Variants in MDGA2 observed in about 807,000 individuals in gnomAD.
MDGA2 encodes the protein MAM domain-containing glycosylphosphatidylinositol anchor protein 2.
Under a neutral mutation model 117.8 loss-of-function variants are expected in MDGA2, and 40 were observed. The observed-to-expected ratio is 0.34, with a 90% CI of 0.26 to 0.44. The LOEUF (loss-of-function observed/expected upper bound fraction) is 0.44. Among genes scored for constraint, MDGA2 ranks in the 20% least tolerant of loss-of-function variants. MDGA2 has a pLI of 1.00. For missense variants in MDGA2, 1,123 were observed against 1,250.6 expected, an observed-to-expected ratio of 0.90 and a Z score of 1.54; for synonymous variants, 452 against 439.0, an observed-to-expected ratio of 1.03 and a Z score of -0.37.
At chr14:46,968,701 G>A (rs1171391984) in intron 8 of MDGA2, among the ~76,000 whole-genome samples, 1 of 151,524 alleles carries the variant, frequency 6.6e-6, no homozygotes, top group Non-Finnish European at 1.5e-5. Context: ...GTTGGGTATG[G>A]TGGTGTGTGC....
chr14:47,580,561 A>G (rs1239725447), intron 1 of MDGA2, among the ~76,000 whole-genome samples: 3 of 152,048 alleles, frequency 2.0e-5, no homozygotes, highest in Admixed American at 2.0e-4. Flanking sequence ...TATCAACAGA[A>G]GATCTGAGAT....
chr14:47,222,885 A>G (rs1406159582), intron 2 of MDGA2, among the ~76,000 whole-genome samples: 2 of 152,198 alleles, frequency 1.3e-5, no homozygotes, highest in African/African-American at 4.8e-5. Context: ...ATAGAAAACC[A>G]TTTCATACTA....
chr14:47,649,718 C>A (rs543264788), intron 1 of MDGA2, among the ~76,000 whole-genome samples: 28 of 139,302 alleles, frequency 2.0e-4, no homozygotes, highest in African/African-American at 6.5e-4. Context: ...AACAAAAAAA[C>A]CCCACAAATA....
chr14:47,627,483 G>A (rs1446975424), intron 1 of MDGA2, among the ~76,000 whole-genome samples: 2 of 152,190 alleles, frequency 1.3e-5, no homozygotes, highest in African/African-American at 2.4e-5. Context: ...TCTGTGTCTA[G>A]CTCAGGGTTT....
At chr14:46,875,458 T>C (rs1744702589) in intron 12 of MDGA2, among the ~76,000 whole-genome samples, 1 of 151,752 alleles carries the variant, frequency 6.6e-6, no homozygotes, top group Non-Finnish European at 1.5e-5. Context: ...GGGTAGGTAA[T>C]GTTACAGGAA....
rs796736937 is a variant in MDGA2, at chr14:47,275,658, A to C, written c.420+25753T>G. 2.6e-5 allele frequency among the ~76,000 whole-genome samples: 4 copies of C among 152,244 alleles called. No homozygotes were observed. The South Asian group carries it at 8.3e-4, about 32-fold the overall frequency. ...TGAAAAAAGGGGGAAACATTTAATAATATTGCTAACTATAGCACTCATGTT... is the reference window on the plus strand; with the variant it reads ...TGAAAAAAGGGGGAAACATTTAATACTATTGCTAACTATAGCACTCATGTT... On this transcript the variant is annotated intron_variant, in intron 2 of 16. Transcript: ENST00000399232.
chr14:47,141,451 A>G (rs1265294251), intron 4 of MDGA2, among the ~76,000 whole-genome samples: 1 of 152,242 alleles, frequency 6.6e-6, no homozygotes, highest in African/African-American at 2.4e-5. Context: ...ATAATGGAAT[A>G]CTATTCAGCT....
chr14:47,233,295 A>G (rs192226109), intron 2 of MDGA2, among the ~76,000 whole-genome samples: 2 of 152,282 alleles, frequency 1.3e-5, no homozygotes, highest in East Asian at 3.9e-4. Flanking sequence ...TGCATATAAA[A>G]CACTAAACTA....
At chr14:47,021,484 A>C (rs180803555) in intron 8 of MDGA2, among the ~76,000 whole-genome samples, 60 of 152,316 alleles carry the variant, frequency 3.9e-4, no homozygotes, top group African/African-American at 1.3e-3. Context: ...AACAAAGCCA[A>C]GTATATATAA....
chr14:47,017,467 T>C (rs971276763), intron 8 of MDGA2, among the ~76,000 whole-genome samples: 2 of 151,896 alleles, frequency 1.3e-5, no homozygotes, highest in Non-Finnish European at 2.9e-5. Context: ...TACAAAGAGA[T>C]AGAGCCATAA....
chr14:47,237,244 T>A (rs1029908687), intron 2 of MDGA2, among the ~76,000 whole-genome samples: 1 of 150,092 alleles, frequency 6.7e-6, no homozygotes, highest in Non-Finnish European at 1.5e-5. Context: ...TTCCCTGACT[T>A]AAAAAAAAAA....
chr14:46,902,517 C>T (rs759122140), intron 10 of MDGA2, among the ~76,000 whole-genome samples: 1 of 152,010 alleles, frequency 6.6e-6, no homozygotes, highest in African/African-American at 2.4e-5. Context: ...ATCTTATTTC[C>T]TTCCAAAATA....
At chr14:47,429,250 G>A (rs1016964420) in intron 1 of MDGA2, among the ~76,000 whole-genome samples, 2 of 150,534 alleles carry the variant, frequency 1.3e-5, no homozygotes, top group Non-Finnish European at 3.0e-5. Context: ...AAACCCCTAA[G>A]AAATTTATAT....
chr14:47,165,366 C>T (rs1422630070), intron 3 of MDGA2, among the ~76,000 whole-genome samples: 1 of 152,196 alleles, frequency 6.6e-6, no homozygotes, highest in Non-Finnish European at 1.5e-5. Context: ...TCCCAGCTGT[C>T]TTCTAGTTCA....
At chr14:47,535,662 A>G (rs1895195678) in intron 1 of MDGA2, among the ~76,000 whole-genome samples, 1 of 152,238 alleles carries the variant, frequency 6.6e-6, no homozygotes, top group Non-Finnish European at 1.5e-5. Context: ...GATGTTTGAT[A>G]TAAGTAAATT....
intron 1 of MDGA2, among the ~76,000 whole-genome samples, chr14:47,316,378 T>C (rs1042901232): frequency 6.6e-6 from 1 of 152,152 alleles, no homozygotes; most frequent in Admixed American, 6.6e-5. Context: ...CGCAACTTTA[T>C]GTATATTGCC....
chr14:46,965,114 G>A (rs1298737752), intron 8 of MDGA2, among the ~76,000 whole-genome samples: 4 of 135,390 alleles, frequency 3.0e-5, no homozygotes, highest in Non-Finnish European at 4.5e-5. Flanking sequence ...TAGTAGAGAC[G>A]GGGTTTCACC....
In MDGA2 at chr14:47,176,493, A is replaced by G. The variant is rs1435616971; in HGVS notation, c.596-32219T>C. Among the ~76,000 whole-genome samples, 300 of 151,996 alleles carry G rather than the reference A, an allele frequency of 2.0e-3. 3 individuals carry two copies. The highest frequency in any genetic ancestry group is 6.6e-3 in the African/African-American group (274 of 41,342). On this transcript the variant is annotated intron_variant, in intron 3 of 16. Coordinates refer to ENST00000399232, the MANE Select transcript of MDGA2 (RefSeq NM_001113498.3). ...ACAGAACAGAGCCCTCAGAAATAAC[A>G]CTGCATATCTACAACTATCTGATCT...
rs548389266 is a variant in MDGA2, at chr14:47,632,410, T to C, written c.280+42107A>G. On this transcript the variant is annotated intron_variant, in intron 1 of 16. Transcript: ENST00000399232. The stretch of plus-strand genomic sequence containing the variant: ...CTTACTTTCCCAGCCTGGCTGCTAT[T>C]ATCTAGTACCTAAATTACTATTCCT... 2.4e-4 allele frequency among the ~76,000 whole-genome samples: 36 copies of C among 152,334 alleles called. No individual in the cohort carries two copies. In the South Asian group the frequency reaches 7.0e-3, roughly 30 times the overall value.
Sources: gnomAD v4.1 joint callset for allele counts (sites outside exome capture counted in the v4.1 genomes callset) on GRCh38, gnomAD v4.1.1 for gene constraint, MANE v1.5 for transcripts, NCBI Gene and HGNC (gene_info 2026-07-23, HGNC 2026-07-21) for gene names.